OC90: variants seen among roughly 807,000 people sequenced by gnomAD.
OC90 encodes otoconin-90.
In OC90, 46 loss-of-function variants were observed where a neutral mutation model predicts 47.3. The ratio of observed to expected loss-of-function variants is 0.97; its 90% CI spans 0.77 to 1.24. The LOEUF is 1.24. OC90 is among the 50% of genes most tolerant of loss of function. The pLI, the probability that OC90 is intolerant of heterozygous loss-of-function variation, is 0.00. For synonymous variants in OC90, 271 were observed against 219.5 expected (o/e 1.23, Z -2.07); for missense variants, 688 against 583.9 (o/e 1.18, Z -1.84).
intron 5 of OC90, 31 bp downstream of exon 5, chr8:132,041,494 T>C: frequency 6.3e-7 from 1 of 1,582,132 alleles, no homozygotes; most frequent in Non-Finnish European, 8.6e-7. Flanking sequence ...CTCACTTTTT[T>C]TGGTCTTGCT....
chr8:132,058,655 C>T (rs1823308636), intron 1 of OC90, among the ~76,000 whole-genome samples: 1 of 152,156 alleles, frequency 6.6e-6, no homozygotes, highest in African/African-American at 2.4e-5. Flanking sequence ...GGTGTTTTTT[C>T]ATCAGGGAAT....
rs866297920 is a variant in OC90, at chr8:132,033,819, G to C, written c.734-655C>G. Among the ~76,000 whole-genome samples the C allele has an allele frequency of 1.1e-4, 16 of 152,140 alleles. No individual in the cohort carries two copies. The South Asian group carries it at 2.1e-3, about 20-fold the overall frequency. Reference sequence around the variant, plus strand: ...CTCCCATGCACAGGCCAAATCTCCAGCCTTCCCAGTACAGGGAAAGAGAAC... The same window carrying C: ...CTCCCATGCACAGGCCAAATCTCCACCCTTCCCAGTACAGGGAAAGAGAAC... On this transcript the variant is annotated intron_variant, in intron 10 of 13. Transcript: ENST00000254627.
chr8:132,027,146 T>C (rs1822771628), intron 13 of OC90, among the ~76,000 whole-genome samples: 1 of 152,192 alleles, frequency 6.6e-6, no homozygotes, highest in Non-Finnish European at 1.5e-5. Context: ...TTTACCCACA[T>C]TCCCAGGGCC....
intron 12 of OC90, 77 bp downstream of exon 12, chr8:132,031,804 G>A (rs900001990): frequency 1.5e-6 from 2 of 1,316,330 alleles, no homozygotes; most frequent in Admixed American, 3.9e-5. Flanking sequence ...CTGGTGTCCA[G>A]GAGGGCTGTC....
chr8:132,040,487 T>A lies in OC90; in HGVS notation c.457+557A>T, dbSNP rs191036478. On this transcript the variant is annotated intron_variant, in intron 6 of 13. Coordinates refer to ENST00000254627, the MANE Select transcript of OC90 (RefSeq NM_001080399.3). ...ATGAAATAAAATTCCTGGAGTCACA[T>A]AGCAAATAAGGCGGGAACTGAGATT... Among the ~76,000 whole-genome samples, 4 of 152,308 alleles carry A rather than the reference T, an allele frequency of 2.6e-5. No individual in the cohort carries two copies. The East Asian group carries it at 7.7e-4, about 29-fold the overall frequency.
chr8:132,029,966 A>G (rs1822850780), intron 12 of OC90, among the ~76,000 whole-genome samples: 1 of 152,234 alleles, frequency 6.6e-6, no homozygotes, highest in South Asian at 2.1e-4. Flanking sequence ...GATAAGTCGT[A>G]GGCTCTTGTG....
At chr8:132,036,946 T>TAAATG (rs1231900532) in intron 9 of OC90, among the ~76,000 whole-genome samples, 1 of 152,268 alleles carries the variant, frequency 6.6e-6, no homozygotes, top group Non-Finnish European at 1.5e-5. Context: ...GATACTGATC[T>TAAATG]AGAATCTCCC....
Position 132,034,797 on chromosome 8 carries a change from C to T in OC90, c.717G>A (p.Arg239=), listed in dbSNP as rs761261525. ...GHDQEGVGAA[R]ATSPPGSAEI... is the part of the protein sequence containing the mutation. Reference sequence around the variant, plus strand: ...TAGGCTTACCTGGAGGGGACGTAGCCCTAGCAGCTCCCACTCCTTCCTGAT... The same window carrying T: ...TAGGCTTACCTGGAGGGGACGTAGCTCTAGCAGCTCCCACTCCTTCCTGAT... The change falls in exon 10 of 14, where the codon AGG becomes AGA. Residue 239 remains arginine, a synonymous_variant. Transcript: ENST00000254627. 1 of 1,612,438 alleles carries T rather than the reference C, an allele frequency of 6.2e-7. No homozygotes were observed. The highest frequency in any genetic ancestry group is 1.1e-5 in the South Asian group (1 of 90,854).
intron 2 of OC90, among the ~76,000 whole-genome samples, chr8:132,046,787 A>T (rs10216899): frequency 0.052 from 7,964 of 152,288 alleles, 588 homozygotes; most frequent in African/African-American, 0.17. Context: ...TCCATCTGAC[A>T]CTGTGTAGAA....
At chr8:132,038,896 CTGGACT>C in intron 7 of OC90, 65 bp from the exon 8 acceptor site, 4 of 1,605,444 alleles carry the variant, frequency 2.5e-6, no homozygotes, top group Non-Finnish European at 3.4e-6. Context: ...TTTGAAGATG[CTGGACT>C]TGGCATCTAG....
At chr8:132,030,034 C>A in intron 12 of OC90, among the ~76,000 whole-genome samples, 1 of 152,186 alleles carries the variant, frequency 6.6e-6, no homozygotes, top group East Asian at 1.9e-4. Context: ...TTCCGCATTG[C>A]TAGCAATCAG....
At chr8:132,046,179 C>T (rs1823130927) in intron 2 of OC90, among the ~76,000 whole-genome samples, 1 of 152,014 alleles carries the variant, frequency 6.6e-6, no homozygotes, top group Admixed American at 6.6e-5. Context: ...ATGAAGCATC[C>T]TGTTTTATTT....
At chr8:132,055,139 A>G in intron 1 of OC90, 66 bp from the exon 2 acceptor site, 1 of 857,972 alleles carries the variant, frequency 1.2e-6, no homozygotes, top group Non-Finnish European at 1.8e-6. Flanking sequence ...AACCCATGGG[A>G]CCCCCATGTC....
intron 13 of OC90, among the ~76,000 whole-genome samples, chr8:132,028,246 G>A (rs796556739): frequency 6.6e-6 from 1 of 152,090 alleles, no homozygotes; most frequent in Non-Finnish European, 1.5e-5. Context: ...GCTCATGCCT[G>A]TAATCATAGC....
At chr8:132,059,316 A>G (rs1222024461) in intron 1 of OC90, 25 bp downstream of exon 1, 1 of 150,856 alleles carries the variant, frequency 6.6e-6, no homozygotes, top group African/African-American at 2.5e-5. Context: ...TGTCTCCCCA[A>G]CCATCAGGAA....
chr8:132,036,857 T>G (rs13254912), intron 9 of OC90, among the ~76,000 whole-genome samples: 110,138 of 152,118 alleles, frequency 0.72, 40,084 homozygotes, highest in East Asian at 0.77. Context: ...AATTAGATTA[T>G]GTATTTTAAG....
Position 132,037,426 on chromosome 8 carries a change from C to T in OC90, c.679+12G>A, listed in dbSNP as rs1166640039. ...GTGTCTTTGGGTTCCACACTAGCCC[C>T]TTCTGGCTCACCTTCTCCTGAAAGG... On this transcript the variant is annotated intron_variant, in intron 9 of 13. Coordinates refer to ENST00000254627, the MANE Select transcript of OC90 (RefSeq NM_001080399.3). 1.9e-6 allele frequency: 3 copies of T among 1,577,130 alleles called. No individual in the cohort carries two copies. The highest frequency in any genetic ancestry group is 2.7e-5 in the African/African-American group (2 of 74,286).
At chr8:132,055,915 CG>C (rs1823274684) in intron 1 of OC90, among the ~76,000 whole-genome samples, 1 of 152,102 alleles carries the variant, frequency 6.6e-6, no homozygotes, top group Non-Finnish European at 1.5e-5. Flanking sequence ...GGGTGGGAGG[CG>C]CAGGGAAAAG....
chr8:132,028,702 G>GAAAGAA (rs1207296590), intron 13 of OC90, among the ~76,000 whole-genome samples: 30 of 62,824 alleles, frequency 4.8e-4, no homozygotes, highest in African/African-American at 1.5e-3. Context: ...GAAAGAAAGA[G>GAAAGAA]AGACAGAAAG....
Sources: allele counts gnomAD v4.1 joint callset (sites outside exome capture counted in the v4.1 genomes callset), GRCh38; gene constraint gnomAD v4.1.1; transcripts MANE v1.5; gene names NCBI Gene and HGNC (gene_info 2026-07-23, HGNC 2026-07-21).